The following MED26 variants were observed in gnomAD, a reference collection of about 807,000 sequenced individuals.
MED26 encodes mediator of RNA polymerase II transcription subunit 26.
In MED26, 7 loss-of-function variants were observed where a neutral mutation model predicts 43.7. That is an observed-to-expected ratio of 0.16 (90% CI 0.09 to 0.30). The LOEUF (loss-of-function observed/expected upper bound fraction) is 0.30. MED26 is among the 10% of genes least tolerant of loss of function. The probability of loss-of-function intolerance (pLI) is 1.00; values close to 1 mark genes in which losing one functional copy is unlikely to be tolerated. For missense variants in MED26, 784 were observed against 840.6 expected, an observed-to-expected ratio of 0.93 and a Z score of 0.83; for synonymous variants, 375 against 371.1, an observed-to-expected ratio of 1.01 and a Z score of -0.12.
At chr19:16,598,538 G>A (rs1043653994) in intron 1 of MED26, among the ~76,000 whole-genome samples, 38 of 152,052 alleles carry the variant, frequency 2.5e-4, no homozygotes, top group Non-Finnish European at 4.0e-4. Context: ...CTGGTGGCAT[G>A]AACTGCCCCA....
At position 16,576,083 on chromosome 19, in the gene MED26, C is replaced by A; in HGVS notation, c.1747G>T (p.Asp583Tyr). The A allele has an allele frequency of 1.2e-6, 2 of 1,613,860 alleles. No individual in the cohort carries two copies. The highest frequency in any genetic ancestry group is 1.7e-6 in the Non-Finnish European group (2 of 1,180,022). ...AAGCGCCCGTCGTCGCCGTGCGGAT[C>A]GAGCGATATGCACTGCGTCCAGTCA... Reference protein sequence around the residue: ...WYDWTQCISLDPHGDDGRLNI... With the variant: ...WYDWTQCISLYPHGDDGRLNI... Residue 583 changes from aspartate (D) to tyrosine (Y), a missense_variant, in exon 3 of 3, where the codon GAT (aspartate) becomes TAT (tyrosine). Physicochemically the swap from Asp to Tyr is radical, Grantham distance 160. Transcript: ENST00000263390. This position sits in a 1 kb window ranked among gnomAD's most constrained non-coding sequence, Gnocchi z 6.8.
intron 1 of MED26, among the ~76,000 whole-genome samples, chr19:16,582,200 G>C (rs1487792412): frequency 6.6e-6 from 1 of 152,230 alleles, no homozygotes. Flanking sequence ...TGTCAGCAGA[G>C]CTAAGGATGG....
At chr19:16,609,466 A>G (rs568148659) in intron 1 of MED26, among the ~76,000 whole-genome samples, 56 of 152,136 alleles carry the variant, frequency 3.7e-4, no homozygotes, top group Non-Finnish European at 7.6e-4. Flanking sequence ...ACAGTGTTGT[A>G]TATTTCATTA....
At chr19:16,602,459 G>GA (rs2086154294) in intron 1 of MED26, among the ~76,000 whole-genome samples, 1 of 152,106 alleles carries the variant, frequency 6.6e-6, no homozygotes, top group South Asian at 2.1e-4. Context: ...ACTTAACTCA[G>GA]AAACAACCGC....
At chr19:16,624,434 GAC>G (rs1810222107) in intron 1 of MED26, 1 of 152,242 alleles carries the variant, frequency 6.6e-6, no homozygotes, top group African/African-American at 2.4e-5. Flanking sequence ...TGGAGGCACT[GAC>G]ACACGCGGCC....
rs1466994812 is a variant in MED26 at position 16,574,971 on chromosome 19, C to T, written c.*1056G>A. 6.6e-6 allele frequency: 1 copy of T among 151,506 alleles called. No individual in the cohort carries two copies. The highest frequency in any genetic ancestry group is 1.5e-5 in the Non-Finnish European group (1 of 67,860). 9.4% of individuals were successfully genotyped at this position (151,506 alleles called of 1,614,324 possible). ...ATTTATATCACAAGGTGTCCACTTA[C>T]TGGACCAAATAGCAAAGTTGCTCCC... is the stretch of plus-strand genomic sequence containing the variant. On this transcript the variant is annotated 3_prime_UTR_variant, in exon 3 of 3. Coordinates refer to ENST00000263390, the MANE Select transcript of MED26 (RefSeq NM_004831.5).
At chr19:16,597,714 G>A (rs1458230138) in intron 1 of MED26, among the ~76,000 whole-genome samples, 1 of 152,036 alleles carries the variant, frequency 6.6e-6, no homozygotes, top group Non-Finnish European at 1.5e-5. Flanking sequence ...ACTTTCTAAG[G>A]CTGGTTTTTT....
chr19:16,580,661 G>A (rs933921566), intron 1 of MED26, among the ~76,000 whole-genome samples: 12 of 152,096 alleles, frequency 7.9e-5, no homozygotes, highest in Non-Finnish European at 8.8e-5. Context: ...GTGAGCCACT[G>A]CACCCGGCCC....
chr19:16,581,863 T>G (rs1380956225), intron 1 of MED26, among the ~76,000 whole-genome samples: 3 of 152,254 alleles, frequency 2.0e-5, no homozygotes, highest in African/African-American at 7.2e-5. Flanking sequence ...AGGGAAATGC[T>G]ACAGCCTTGG....
At chr19:16,578,198 G>C in intron 2 of MED26, 137 bp downstream of exon 2, 1 of 829,546 alleles carries the variant, frequency 1.2e-6, no homozygotes, top group South Asian at 1.4e-5. Flanking sequence ...CGAGGCACGA[G>C]CTGTGAGGGC....
rs546631974 is a variant in MED26, at chr19:16,576,339, G to A, written c.1491C>T (p.Leu497=). ...QSYLSRQSSL[L]SSSGAQTPGA... is the part of the protein sequence containing the mutation. ...CTGGGGTCTGCGCGCCCGATGATGA[G>A]AGCAGGCTGCTCTGCCGGCTCAGGT... Residue 497 remains leucine, a synonymous_variant, in exon 3 of 3, where the codon CTC becomes CTT. Transcript: ENST00000263390. This position sits in a 1 kb window ranked among gnomAD's most constrained non-coding sequence, Gnocchi z 6.8. 4 of 1,613,976 alleles carry A rather than the reference G, an allele frequency of 2.5e-6. No homozygotes were observed. Among genetic ancestry groups the A allele is most frequent in the East Asian group, 2.2e-5 (1 of 44,866 alleles).
chr19:16,608,732 C>A (rs774173762), intron 1 of MED26, among the ~76,000 whole-genome samples: 10 of 152,230 alleles, frequency 6.6e-5, no homozygotes, highest in African/African-American at 1.2e-4. Flanking sequence ...CTGTCTCTGG[C>A]TGCTTTTGTG....
intron 1 of MED26, among the ~76,000 whole-genome samples, chr19:16,581,392 A>G (rs901286784): frequency 6.6e-6 from 1 of 152,110 alleles, no homozygotes; most frequent in African/African-American, 2.4e-5. Context: ...AGCAAGGCCA[A>G]CCACTCCCTG....
chr19:16,606,275 G>A (rs1223547951), intron 1 of MED26, among the ~76,000 whole-genome samples: 1 of 152,250 alleles, frequency 6.6e-6, no homozygotes, highest in Non-Finnish European at 1.5e-5. Flanking sequence ...ATGGGGCCGG[G>A]TGCAGTGACT....
At chr19:16,609,017 T>C (rs887214118) in intron 1 of MED26, among the ~76,000 whole-genome samples, 1 of 152,134 alleles carries the variant, frequency 6.6e-6, no homozygotes, top group African/African-American at 2.4e-5. Context: ...GACTCATTAA[T>C]ACAAAGATAT....
rs200454256 is a variant in MED26, at chr19:16,576,222, C to T, written c.1608G>A (p.Pro536=). 5.3e-5 allele frequency: 86 copies of T among 1,611,572 alleles called. No homozygotes were observed. The highest frequency in any genetic ancestry group is 6.5e-5 in the Non-Finnish European group (77 of 1,179,986). The change falls in exon 3 of 3, where the codon CCG becomes CCA. Residue 536 remains proline, a synonymous_variant. Transcript: ENST00000263390. The surrounding 1 kb of genome is among the most constrained non-coding windows in gnomAD (Gnocchi z 6.8). Reference sequence around the variant, plus strand: ...GGGTCAGACCAGGGAGGTCCGTGGGCGGGCTTTGAGGCACCAGCACATGCA... The same window carrying T: ...GGGTCAGACCAGGGAGGTCCGTGGGTGGGCTTTGAGGCACCAGCACATGCA... The part of the protein sequence containing the change: ...RQLHVLVPQS[P]PTDLPGLTRE...
intron 1 of MED26, among the ~76,000 whole-genome samples, chr19:16,617,388 C>T (rs2086231253): frequency 1.3e-5 from 2 of 152,148 alleles, no homozygotes; most frequent in Admixed American, 1.3e-4. Context: ...TGGGCACTGC[C>T]ACTTTCTTAC....
chr19:16,586,720 G>A lies in MED26; in HGVS notation c.73-8311C>T, dbSNP rs963560886. Among the ~76,000 whole-genome samples, 8 of 152,260 alleles carry A rather than the reference G, an allele frequency of 5.3e-5. No individual in the cohort carries two copies. The highest frequency in any genetic ancestry group is 1.7e-4 in the African/African-American group (7 of 41,548). On this transcript the variant is annotated intron_variant, in intron 1 of 2. Coordinates refer to ENST00000263390, the MANE Select transcript of MED26 (RefSeq NM_004831.5). The surrounding 1 kb of genome is among the most constrained non-coding windows in gnomAD (Gnocchi z 5.1). ...CTGCAGTTCTGCACTCCCCCACCTCGGTGTCCGGCCAGCCTTCCTGACCAC... is the reference window on the plus strand; with the variant it reads ...CTGCAGTTCTGCACTCCCCCACCTCAGTGTCCGGCCAGCCTTCCTGACCAC...
intron 1 of MED26, among the ~76,000 whole-genome samples, chr19:16,584,167 C>T (rs1202863818): frequency 2.6e-5 from 4 of 151,832 alleles, no homozygotes; most frequent in Admixed American, 6.6e-5. Flanking sequence ...GCAGGAGAAT[C>T]GCTCAAACCT....
Sources: gnomAD v4.1 joint callset for allele counts (sites outside exome capture counted in the v4.1 genomes callset) on GRCh38, gnomAD v4.1.1 for gene constraint, Gnocchi (gnomAD v3.1) non-coding constraint, MANE v1.5 for transcripts, NCBI Gene and HGNC (gene_info 2026-07-23, HGNC 2026-07-21) for gene names.